MCHR2: variants seen among roughly 807,000 people sequenced by gnomAD.
The protein encoded by MCHR2 is melanin concentrating hormone receptor 2.
In MCHR2, 15 loss-of-function variants were observed where a neutral mutation model predicts 24.8. That is an observed-to-expected ratio of 0.60 (90% confidence interval 0.40 to 0.93). The LOEUF is 0.93. Ranked by LOEUF, MCHR2 falls within the 40% of genes least tolerant of loss-of-function variation. MCHR2 has a pLI of 0.00. For missense variants in MCHR2, 386 were observed against 408.7 expected (o/e 0.94, Z 0.48); for synonymous variants, 151 against 147.6 (o/e 1.02, Z -0.17).
intron 4 of MCHR2, among the ~76,000 whole-genome samples, chr6:99,938,872 T>C (rs1296557173): frequency 6.6e-6 from 1 of 152,074 alleles, no homozygotes; most frequent in Non-Finnish European, 1.5e-5. Flanking sequence ...GGAGCCCCAA[T>C]GTTGGGTGCA....
At chr6:99,941,784 A>C (rs1021450298) in intron 4 of MCHR2, among the ~76,000 whole-genome samples, 10 of 152,114 alleles carry the variant, frequency 6.6e-5, no homozygotes, top group African/African-American at 2.4e-4. Context: ...TTTACAAGCC[A>C]CCTAGTCTAT....
At chr6:99,970,106 CT>C (rs1205075478) in intron 1 of MCHR2, among the ~76,000 whole-genome samples, 2 of 150,756 alleles carry the variant, frequency 1.3e-5, no homozygotes. Flanking sequence ...AATAGTATTT[CT>C]AGTTCTAGAT....
intron 3 of MCHR2, among the ~76,000 whole-genome samples, chr6:99,944,107 A>C (rs1377380920): frequency 6.6e-6 from 1 of 152,222 alleles, no homozygotes; most frequent in Admixed American, 6.5e-5. Context: ...TAAGGAACTT[A>C]GGCTAGAAGC....
At chr6:99,953,962 A>G (rs1413792909) in intron 2 of MCHR2, among the ~76,000 whole-genome samples, 1 of 152,078 alleles carries the variant, frequency 6.6e-6, no homozygotes, top group Non-Finnish European at 1.5e-5. Flanking sequence ...AAGGTTTGAG[A>G]GAGGGCTGGC....
At chr6:99,952,626 G>T (rs527906304) in intron 2 of MCHR2, among the ~76,000 whole-genome samples, 2 of 152,064 alleles carry the variant, frequency 1.3e-5, no homozygotes, top group Admixed American at 6.6e-5. Context: ...TCATGGCAAA[G>T]CATGATGAAA....
intron 1 of MCHR2, among the ~76,000 whole-genome samples, chr6:99,982,467 GAAAA>G (rs1196029682): frequency 1.3e-4 from 6 of 46,638 alleles, no homozygotes; most frequent in South Asian, 1.7e-3. Flanking sequence ...TGTCTGTACA[GAAAA>G]AAAAAAAAAA....
chr6:99,961,984 T>A lies in MCHR2; in HGVS notation c.-27-5810A>T, dbSNP rs139995906. On this transcript the variant is annotated intron_variant, in intron 1 of 5. Transcript: ENST00000281806. ...CACAATTTCACAGATAGATTTTTTC[T>A]CATGGTATATCACATCAAACTCAGC... is the stretch of plus-strand genomic sequence containing the variant. Among the ~76,000 whole-genome samples, 26 of 152,318 alleles carry A rather than the reference T, an allele frequency of 1.7e-4. No individual in the cohort carries two copies. The East Asian group carries it at 4.6e-3, about 27-fold the overall frequency.
At chr6:99,922,743 G>A (rs1464865765) in intron 5 of MCHR2, among the ~76,000 whole-genome samples, 2 of 152,068 alleles carry the variant, frequency 1.3e-5, no homozygotes, top group Admixed American at 1.3e-4. Flanking sequence ...CTGTTTCATT[G>A]GTCTATGTCT....
chr6:99,937,057 T>G (rs1255446957), intron 4 of MCHR2, among the ~76,000 whole-genome samples: 5 of 152,026 alleles, frequency 3.3e-5, no homozygotes, highest in Non-Finnish European at 5.9e-5. Context: ...ATACATTCAT[T>G]TTGTATCCTG....
At chr6:99,930,397 T>C (rs1348108399) in intron 5 of MCHR2, among the ~76,000 whole-genome samples, 1 of 152,210 alleles carries the variant, frequency 6.6e-6, no homozygotes, top group African/African-American at 2.4e-5. Flanking sequence ...CCTCGCTAGA[T>C]TGGGGAAGTT....
chr6:99,953,080 G>A (rs1245511874), intron 2 of MCHR2, among the ~76,000 whole-genome samples: 1 of 152,106 alleles, frequency 6.6e-6, no homozygotes, highest in Non-Finnish European at 1.5e-5. Context: ...ACTTTTAGAA[G>A]AGTTCACATT....
At chr6:99,959,082 G>A (rs1775126770) in intron 1 of MCHR2, among the ~76,000 whole-genome samples, 1 of 152,044 alleles carries the variant, frequency 6.6e-6, no homozygotes, top group South Asian at 2.1e-4. Flanking sequence ...TGGCTTTTGG[G>A]GGGTTTCCAG....
chr6:99,920,959 G>A lies in MCHR2; in HGVS notation c.1004C>T (p.Thr335Ile). ...TEKEINNMGN[T>I]LKSHF ...ACTTTCCTAAAAGTGTGATTTCAGA[G>A]TGTTTCCCATATTGTTGATTTCCTT... is the stretch of plus-strand genomic sequence containing the variant. Residue 335 changes from threonine to isoleucine, a missense_variant, in exon 6 of 6, where the codon ACT becomes ATT. Coordinates refer to ENST00000281806, the MANE Select transcript of MCHR2 (RefSeq NM_001040179.2). 1.2e-6 allele frequency: 2 copies of A among 1,614,066 alleles called. No homozygotes were observed. Among genetic ancestry groups the A allele is most frequent in the Middle Eastern group, 1.6e-4 (1 of 6,062 alleles).
intron 1 of MCHR2, among the ~76,000 whole-genome samples, chr6:99,963,852 C>G (rs559312857): frequency 2.6e-5 from 4 of 152,080 alleles, no homozygotes; most frequent in African/African-American, 9.6e-5. Context: ...AAAGTCAAGT[C>G]TCAGAGTGAA....
chr6:99,921,405 A>T, intron 5 of MCHR2, 150 bp from the exon 6 acceptor site: 1 of 715,220 alleles, frequency 1.4e-6, no homozygotes, highest in Admixed American at 3.2e-5. Context: ...GTGCATTGTG[A>T]TATATTCTTT....
intron 1 of MCHR2, among the ~76,000 whole-genome samples, chr6:99,960,547 A>G (rs990961893): frequency 6.6e-6 from 1 of 152,212 alleles, no homozygotes; most frequent in Non-Finnish European, 1.5e-5. Context: ...AAAAGGAACA[A>G]AGCCAGAGGC....
chr6:99,967,373 G>A (rs1470983764), intron 1 of MCHR2, among the ~76,000 whole-genome samples: 1 of 152,098 alleles, frequency 6.6e-6, no homozygotes, highest in Non-Finnish European at 1.5e-5. Context: ...TAAGAAGTCT[G>A]AAAAGTGATA....
At chr6:99,991,568 G>A (rs1037799044) in intron 1 of MCHR2, among the ~76,000 whole-genome samples, 3 of 152,122 alleles carry the variant, frequency 2.0e-5, no homozygotes, top group African/African-American at 4.8e-5. Context: ...AGCACTTTGG[G>A]AGGCCGAGGC....
intron 1 of MCHR2, among the ~76,000 whole-genome samples, chr6:99,976,258 A>G (rs1023014996): frequency 2.0e-5 from 3 of 152,230 alleles, no homozygotes; most frequent in African/African-American, 4.8e-5. Flanking sequence ...TCAAATGACA[A>G]TGATGATATA....
Sources: gnomAD v4.1 joint callset for allele counts (sites outside exome capture counted in the v4.1 genomes callset) on GRCh38, gnomAD v4.1.1 for gene constraint, MANE v1.5 for transcripts, NCBI Gene and HGNC (gene_info 2026-07-23, HGNC 2026-07-21) for gene names.